The following ANTXR1 variants were observed in gnomAD, a reference collection of about 807,000 sequenced individuals.
The protein encoded by ANTXR1 is anthrax toxin receptor 1.
A neutral mutation model predicts 78.1 loss-of-function variants in ANTXR1; 19 were observed. The observed-to-expected ratio is 0.24, with a 90% CI of 0.17 to 0.36. The LOEUF (loss-of-function observed/expected upper bound fraction) is 0.36, where lower values mean the gene tolerates loss of function less well. ANTXR1 is among the 10% of genes least tolerant of loss of function. The pLI, the probability that ANTXR1 is intolerant of heterozygous loss-of-function variation, is 1.00. For synonymous variants in ANTXR1, 273 were observed against 260.5 expected (o/e 1.05, Z -0.46); for missense variants, 518 against 718.6 (o/e 0.72, Z 3.19).
chr2:69,085,084 A>C (rs1211573261), intron 8 of ANTXR1, among the ~76,000 whole-genome samples: 1 of 152,012 alleles, frequency 6.6e-6, no homozygotes, highest in Non-Finnish European at 1.5e-5. Flanking sequence ...AGATTAAATC[A>C]TTTCAAAATT....
At chr2:69,131,860 C>A (rs1258047161) in intron 12 of ANTXR1, among the ~76,000 whole-genome samples, 1 of 152,116 alleles carries the variant, frequency 6.6e-6, no homozygotes, top group Non-Finnish European at 1.5e-5. Flanking sequence ...CATAATTTAA[C>A]AGGGGAAAAA....
chr2:69,097,099 G>T (rs1671455130), intron 9 of ANTXR1, among the ~76,000 whole-genome samples: 1 of 152,182 alleles, frequency 6.6e-6, no homozygotes, highest in African/African-American at 2.4e-5. Context: ...TAAGAATATG[G>T]ACCCATTTGG....
intron 3 of ANTXR1, among the ~76,000 whole-genome samples, chr2:69,066,189 C>T (rs918267341): frequency 9.9e-5 from 15 of 152,114 alleles, no homozygotes; most frequent in African/African-American, 3.1e-4. Flanking sequence ...TTGCAGAATC[C>T]TAAGGGAGAT....
intron 17 of ANTXR1, among the ~76,000 whole-genome samples, chr2:69,201,806 G>C (rs893821445): frequency 1.3e-5 from 2 of 152,138 alleles, no homozygotes; most frequent in Non-Finnish European, 1.5e-5. Flanking sequence ...GGAAGATGAG[G>C]ACGTCACTTT....
intron 10 of ANTXR1, among the ~76,000 whole-genome samples, chr2:69,111,786 A>G (rs1396715096): frequency 6.6e-6 from 1 of 152,224 alleles, no homozygotes; most frequent in Non-Finnish European, 1.5e-5. Flanking sequence ...TAGACGTTCC[A>G]GAGGGTGTTG....
rs1674277248 is a variant in ANTXR1, at chr2:69,181,681, G to A, written c.1090-105G>A. ...AACAGTAGCACTGGGATTGCACCCA[G>A]GCAGTCTGACTCTATAAGCTCTACT... On this transcript the variant is annotated intron_variant, in intron 14 of 17. Coordinates refer to ENST00000303714, the MANE Select transcript of ANTXR1 (RefSeq NM_032208.3). 1.9e-5 allele frequency: 21 copies of A among 1,078,272 alleles called. No homozygotes were observed. In the East Asian group the frequency reaches 4.5e-4, roughly 23 times the overall value. The allele number at this position is 1,078,272 out of a possible 1,614,324, so 66.8% of individuals were successfully genotyped here. A position where few individuals can be genotyped will look rare whatever the true frequency, so the allele number is the denominator to read the frequency against.
At chr2:69,125,652 G>C (rs1048822427) in intron 12 of ANTXR1, among the ~76,000 whole-genome samples, 46 of 152,042 alleles carry the variant, frequency 3.0e-4, no homozygotes, top group African/African-American at 1.1e-3. Context: ...ACCAGCCTGG[G>C]CAACATGGTG....
At chr2:69,031,648 G>A (rs1354907440) in intron 1 of ANTXR1, among the ~76,000 whole-genome samples, 1 of 152,068 alleles carries the variant, frequency 6.6e-6, no homozygotes, top group Non-Finnish European at 1.5e-5. Context: ...TCCCTCTGCT[G>A]TACTGCCAGC....
intron 10 of ANTXR1, among the ~76,000 whole-genome samples, chr2:69,119,528 G>C (rs1032393498): frequency 2.0e-5 from 3 of 152,228 alleles, no homozygotes; most frequent in Non-Finnish European, 4.4e-5. Flanking sequence ...TCCTGGAATG[G>C]AGAATCTCTT....
At position 69,235,017 on chromosome 2, in the gene ANTXR1, CTTTTTTTTTTTTT is replaced by C. The variant is rs748250586; in HGVS notation, c.1435-10197_1435-10185del. ...AAAAAAAAAAAAAGAATGATGAAAG[CTTTTTTTTTTTTT>C]TTTTTTTTTTGAGACGGAGTTTCAC... On this transcript the variant is annotated intron_variant, in intron 17 of 17. Coordinates refer to ENST00000303714, the MANE Select transcript of ANTXR1 (RefSeq NM_032208.3). Among the ~76,000 whole-genome samples the C allele has an allele frequency of 0.016, 1,296 of 83,428 alleles. 165 individuals carry two copies. In the Admixed American group the frequency reaches 0.16, roughly 10 times the overall value. The allele number at this position is 83,428 out of a possible 152,430, so 54.7% of individuals were successfully genotyped here. A position where few individuals can be genotyped will look rare whatever the true frequency, so the allele number is the denominator to read the frequency against.
intron 1 of ANTXR1, among the ~76,000 whole-genome samples, chr2:69,037,529 GTGCAATCTCAGCTCAC>G (rs1669478021): frequency 6.6e-6 from 1 of 152,128 alleles, no homozygotes; most frequent in Non-Finnish European, 1.5e-5. Flanking sequence ...GAGTGCAAGG[GTGCAATCTCAGCTCAC>G]TGCAACCTCA....
chr2:69,208,398 A>C (rs1674957814), intron 17 of ANTXR1, among the ~76,000 whole-genome samples: 1 of 152,246 alleles, frequency 6.6e-6, no homozygotes, highest in Non-Finnish European at 1.5e-5. Context: ...GAGCACCTGA[A>C]TGTGGCTAGT....
chr2:69,246,518 G>C lies in ANTXR1; in HGVS notation c.*1033G>C, dbSNP rs568100582. ...TTTCTTGGTAAAGCCATGCACCACA[G>C]ACTTCTGGGCAGAGCTGAGAGACAA... On this transcript the variant is annotated 3_prime_UTR_variant, in exon 18 of 18. Coordinates refer to ENST00000303714, the MANE Select transcript of ANTXR1 (RefSeq NM_032208.3). The C allele has an allele frequency of 3.3e-5, 5 of 152,252 alleles. No individual in the cohort carries two copies. The East Asian group carries it at 9.6e-4, about 29-fold the overall frequency. The allele number at this position is 152,252 out of a possible 1,614,324, so 9.4% of individuals were successfully genotyped here. A position where few individuals can be genotyped will look rare whatever the true frequency, so the allele number is the denominator to read the frequency against.
intron 14 of ANTXR1, among the ~76,000 whole-genome samples, chr2:69,178,844 A>T (rs568169412): frequency 2.0e-5 from 3 of 152,328 alleles, no homozygotes; most frequent in South Asian, 2.1e-4. Flanking sequence ...TCTTCTGTGC[A>T]GTGAAAAGAC....
At chr2:69,213,784 C>T (rs1242032272) in intron 17 of ANTXR1, among the ~76,000 whole-genome samples, 1 of 152,246 alleles carries the variant, frequency 6.6e-6, no homozygotes, top group East Asian at 1.9e-4. Flanking sequence ...AGTCAGTCTC[C>T]CACATGTGGG....
chr2:69,156,699 C>T (rs1412633410), intron 13 of ANTXR1, among the ~76,000 whole-genome samples: 1 of 152,188 alleles, frequency 6.6e-6, no homozygotes, highest in Non-Finnish European at 1.5e-5. Flanking sequence ...GGAGGTGCCA[C>T]ACACTTTTCA....
At chr2:69,107,194 T>C (rs1381595067) in intron 10 of ANTXR1, among the ~76,000 whole-genome samples, 1 of 151,868 alleles carries the variant, frequency 6.6e-6, no homozygotes, top group Non-Finnish European at 1.5e-5. Flanking sequence ...ATGACCCATA[T>C]CAGATATGTA....
intron 17 of ANTXR1, among the ~76,000 whole-genome samples, chr2:69,202,147 G>A (rs962202720): frequency 3.9e-5 from 6 of 152,118 alleles, no homozygotes; most frequent in Non-Finnish European, 8.8e-5. Context: ...AAGAAGTTAA[G>A]CACTGAACCC....
At chr2:69,082,672 G>A (rs755123343) in intron 8 of ANTXR1, among the ~76,000 whole-genome samples, 6 of 151,692 alleles carry the variant, frequency 4.0e-5, no homozygotes, top group Non-Finnish European at 7.4e-5. Context: ...CCCAACACTC[G>A]GCCTGGTTAC....
Sources: allele counts gnomAD v4.1 joint callset (sites outside exome capture counted in the v4.1 genomes callset), GRCh38; gene constraint gnomAD v4.1.1; transcripts MANE v1.5; gene names NCBI Gene and HGNC (gene_info 2026-07-23, HGNC 2026-07-21).